The following CORO2B variants were observed in gnomAD, a reference collection of about 807,000 sequenced individuals.
The protein encoded by CORO2B is coronin-2B.
CORO2B carries 26 observed loss-of-function variants against 58.8 expected under a neutral mutation model. That is an observed-to-expected ratio of 0.44 (90% CI 0.32 to 0.61). The LOEUF (loss-of-function observed/expected upper bound fraction) is 0.61. CORO2B is among the 20% of genes least tolerant of loss of function. CORO2B has a pLI of 0.04. For missense variants in CORO2B, 460 were observed against 645.1 expected (o/e 0.71, Z 3.11); for synonymous variants, 242 against 253.8 (o/e 0.95, Z 0.44).
In CORO2B at chr15:68,725,901, C is replaced by T. The variant is rs1431175121; in HGVS notation, c.1370C>T (p.Ala457Val). ...ATTCGACGGTTGAAAGAGGAGCTGG[C>T]CCAGAAGGACATCCGCATTCGGCAG... Reference protein sequence around the residue: ...DEIRRLKEELAQKDIRIRQLQ... With the variant: ...DEIRRLKEELVQKDIRIRQLQ... The change falls in exon 12 of 12, where the codon GCC (alanine) becomes GTC (valine). Residue 457 changes from alanine (A) to valine (V), a missense_variant. By Grantham distance (64) the Ala-to-Val change is moderately conservative. Coordinates refer to ENST00000261861, the MANE Select transcript of CORO2B (RefSeq NM_006091.5). The T allele has an allele frequency of 2.5e-6, 4 of 1,614,060 alleles. No individual in the cohort carries two copies. Among genetic ancestry groups the T allele is most frequent in the Non-Finnish European group, 2.5e-6 (3 of 1,180,006 alleles).
At chr15:68,566,733 A>T in the CORO2B span, among the ~76,000 whole-genome samples, 1 of 152,126 alleles carries the variant, frequency 6.6e-6, no homozygotes, top group Non-Finnish European at 1.5e-5. Context: ...GTCATCCTGG[A>T]TGGGGAGGGA....
chr15:68,613,953 G>T (rs1210508038), intron 1 of CORO2B, among the ~76,000 whole-genome samples: 2 of 152,214 alleles, frequency 1.3e-5, no homozygotes, highest in Non-Finnish European at 2.9e-5. Flanking sequence ...GTTGTGGGTT[G>T]TTCAGTTAGC....
At chr15:68,549,188 C>A in the CORO2B span, among the ~76,000 whole-genome samples, 1 of 152,174 alleles carries the variant, frequency 6.6e-6, no homozygotes, top group Non-Finnish European at 1.5e-5. Flanking sequence ...AACCACTGTT[C>A]ATGTATTGGT....
At chr15:68,703,367 T>G (rs1447865594) in intron 3 of CORO2B, among the ~76,000 whole-genome samples, 1 of 151,418 alleles carries the variant, frequency 6.6e-6, no homozygotes, top group Admixed American at 6.6e-5. Flanking sequence ...GCCAGGCTGG[T>G]CTTGATCTCC....
chr15:68,632,131 G>A, intron 1 of CORO2B: 1 of 985,538 alleles, frequency 1.0e-6, no homozygotes, highest in African/African-American at 1.7e-5. Context: ...GACTGCTGCA[G>A]CGGGGTCTCT....
At chr15:68,700,008 G>T (rs915213424) in intron 3 of CORO2B, among the ~76,000 whole-genome samples, 1 of 152,204 alleles carries the variant, frequency 6.6e-6, no homozygotes, top group Non-Finnish European at 1.5e-5. Context: ...CTGGGAGGGG[G>T]TGGGGCGTAA....
At chr15:68,669,344 C>T (rs1182711540) in intron 2 of CORO2B, among the ~76,000 whole-genome samples, 15 of 152,100 alleles carry the variant, frequency 9.9e-5, no homozygotes, top group Admixed American at 9.2e-4. Flanking sequence ...GAAATCCACA[C>T]GGGCATCTTG....
upstream of CORO2B, among the ~76,000 whole-genome samples, chr15:68,577,452 G>C (rs941913447): frequency 6.6e-6 from 1 of 152,082 alleles, no homozygotes; most frequent in Non-Finnish European, 1.5e-5. Context: ...GGCCGGGGGC[G>C]GTTGCTCATG....
Position 68,645,196 on chromosome 15 carries a change from C to T in CORO2B, c.52C>T (p.Arg18Trp). 1 of 1,614,192 alleles carries T rather than the reference C, an allele frequency of 6.2e-7. No homozygotes were observed. The highest frequency in any genetic ancestry group is 1.6e-4 in the Middle Eastern group (1 of 6,062). ...WRPQYRSSKF[R>W]NVYGKVANRE... ...TCCGCAATACCGTAGCTCCAAGTTC[C>T]GGAATGTCTACGGGAAGGTGGCCAA... The change falls in exon 2 of 12, where the codon CGG becomes TGG. Residue 18 changes from arginine to tryptophan, a missense_variant. Physicochemically the swap from Arg to Trp is moderately radical, Grantham distance 101. Transcript: ENST00000261861. This position sits in a 1 kb window ranked among gnomAD's most constrained non-coding sequence, Gnocchi z 4.5.
the CORO2B span, among the ~76,000 whole-genome samples, chr15:68,534,845 G>A: frequency 1.2e-4 from 18 of 152,176 alleles, no homozygotes; most frequent in East Asian, 1.9e-4. Context: ...CAATCGTGGC[G>A]GAAGGCGAAA....
intron 3 of CORO2B, among the ~76,000 whole-genome samples, chr15:68,706,738 C>T (rs545710521): frequency 6.6e-6 from 1 of 151,986 alleles, no homozygotes; most frequent in African/African-American, 2.4e-5. Context: ...GAGACAGGGT[C>T]TCACTCTGTC....
chr15:68,725,696 C>A, intron 11 of CORO2B, 147 bp from the exon 12 acceptor site: 1 of 1,002,514 alleles, frequency 1.0e-6, no homozygotes, highest in Non-Finnish European at 1.5e-6. Context: ...ATAAATGCAC[C>A]TGGGGAGAAT....
the CORO2B span, among the ~76,000 whole-genome samples, chr15:68,561,850 G>A: frequency 4.6e-5 from 7 of 152,228 alleles, no homozygotes; most frequent in East Asian, 9.6e-4. Context: ...GAGCCTGTGT[G>A]CGTAGTTGTG....
At chr15:68,641,788 G>A (rs748197763) in intron 1 of CORO2B, among the ~76,000 whole-genome samples, 10 of 151,998 alleles carry the variant, frequency 6.6e-5, no homozygotes, top group African/African-American at 1.2e-4. Flanking sequence ...GCAGTGGTGC[G>A]ACTCAGCCCA....
chr15:68,716,934 G>A (rs1475343370), intron 8 of CORO2B, among the ~76,000 whole-genome samples: 2 of 152,116 alleles, frequency 1.3e-5, no homozygotes. Flanking sequence ...CATTTGATAA[G>A]GAAATCATTA....
At chr15:68,636,917 G>A (rs1901049228) in intron 1 of CORO2B, among the ~76,000 whole-genome samples, 1 of 152,210 alleles carries the variant, frequency 6.6e-6, no homozygotes, top group Non-Finnish European at 1.5e-5. Context: ...AGCCACATGT[G>A]CCTATTGAGC....
the CORO2B span, among the ~76,000 whole-genome samples, chr15:68,538,214 T>TTC: frequency 6.6e-6 from 1 of 152,256 alleles, no homozygotes; most frequent in East Asian, 1.9e-4. Flanking sequence ...TCTCCTTTTT[T>TTC]TCTCTGCCTC....
In CORO2B at chr15:68,710,441, C is replaced by G. The variant is rs1001349399; in HGVS notation, c.334-291C>G. The stretch of plus-strand genomic sequence containing the variant: ...CTAAAAGGGGCTCATGCATGTTCTT[C>G]TTATCCGGGCTAGGCCACAGCAGTA... On this transcript the variant is annotated intron_variant, in intron 3 of 11. Coordinates refer to ENST00000261861, the MANE Select transcript of CORO2B (RefSeq NM_006091.5). The surrounding 1 kb of genome is among the most constrained non-coding windows in gnomAD (Gnocchi z 4.1). Among the ~76,000 whole-genome samples the G allele has an allele frequency of 6.6e-6, 1 of 152,236 alleles. No individual in the cohort carries two copies. The highest frequency in any genetic ancestry group is 2.4e-5 in the African/African-American group (1 of 41,460).
chr15:68,655,890 G>C (rs897172621), intron 2 of CORO2B, among the ~76,000 whole-genome samples: 13 of 152,176 alleles, frequency 8.5e-5, no homozygotes, highest in Non-Finnish European at 1.6e-4. Context: ...GCACTTCAAG[G>C]AACAAAAATG....
Sources: gnomAD v4.1 joint callset for allele counts (sites outside exome capture counted in the v4.1 genomes callset) on GRCh38, gnomAD v4.1.1 for gene constraint, Gnocchi (gnomAD v3.1) non-coding constraint, MANE v1.5 for transcripts, NCBI Gene and HGNC (gene_info 2026-07-23, HGNC 2026-07-21) for gene names.